Variants in TSEN2 observed in about 807,000 individuals in gnomAD.
The protein encoded by TSEN2 is tRNA-splicing endonuclease subunit Sen2.
Under a neutral mutation model 59.2 loss-of-function variants are expected in TSEN2, and 54 were observed. The observed-to-expected ratio is 0.91, with a 90% CI of 0.73 to 1.14. The LOEUF is 1.14. Among genes scored for constraint, TSEN2 ranks in the 50% most tolerant of loss-of-function variants. The pLI, the probability that TSEN2 is intolerant of heterozygous loss-of-function variation, is 0.00. For synonymous variants in TSEN2, 195 were observed against 198.2 expected, an observed-to-expected ratio of 0.98 and a Z score of 0.14; for missense variants, 636 against 576.2, an observed-to-expected ratio of 1.10 and a Z score of -1.06.
intron 9 of TSEN2, among the ~76,000 whole-genome samples, 193 bp downstream of exon 9, chr3:12,529,117 A>G (rs1299074709): frequency 1.3e-5 from 2 of 152,170 alleles, no homozygotes; most frequent in Non-Finnish European, 2.9e-5. Flanking sequence ...ATAGTTTATG[A>G]TAATATATGT....
chr3:12,519,221 G>C, intron 8 of TSEN2, 24 bp downstream of exon 8: 1 of 1,614,096 alleles, frequency 6.2e-7, no homozygotes, highest in East Asian at 2.2e-5. Context: ...GGCGTGGTGT[G>C]TGTGAGAATA....
intron 1 of TSEN2, among the ~76,000 whole-genome samples, chr3:12,485,275 C>T (rs944164953): frequency 2.0e-5 from 3 of 152,116 alleles, no homozygotes; most frequent in Admixed American, 6.5e-5. Context: ...ATGGAGCCAC[C>T]TCTCCCTTTT....
chr3:12,525,865 G>A (rs537774066), intron 8 of TSEN2, among the ~76,000 whole-genome samples: 12 of 152,066 alleles, frequency 7.9e-5, no homozygotes, highest in Non-Finnish European at 1.8e-4. Flanking sequence ...GCGCCCGGTG[G>A]TTTGTTCACA....
At chr3:12,482,606 C>A (rs555364630), upstream of TSEN2, among the ~76,000 whole-genome samples, 3 of 151,378 alleles carry the variant, frequency 2.0e-5, no homozygotes, top group South Asian at 6.3e-4. Flanking sequence ...AATTTGAGAT[C>A]CCATTATCAG....
intron 8 of TSEN2, among the ~76,000 whole-genome samples, chr3:12,525,991 A>G (rs950475968): frequency 1.3e-5 from 2 of 152,162 alleles, no homozygotes; most frequent in Non-Finnish European, 2.9e-5. Context: ...GACCACGGTC[A>G]TATCCATCAT....
chr3:12,536,124 TGGA>T (rs1298382576), downstream of TSEN2, among the ~76,000 whole-genome samples: 2 of 152,152 alleles, frequency 1.3e-5, no homozygotes, highest in Non-Finnish European at 2.9e-5. Context: ...GGTGAGTCAG[TGGA>T]GGAGAAGAAG....
At chr3:12,497,792 A>G (rs1377468887) in intron 4 of TSEN2, among the ~76,000 whole-genome samples, 1 of 152,196 alleles carries the variant, frequency 6.6e-6, no homozygotes, top group Non-Finnish European at 1.5e-5. Context: ...TTCATTTCCT[A>G]GGGCTGCCAT....
intron 4 of TSEN2, among the ~76,000 whole-genome samples, chr3:12,501,513 A>G (rs1274873174): frequency 6.6e-5 from 10 of 152,234 alleles, no homozygotes; most frequent in Non-Finnish European, 2.9e-5. Context: ...CTTAGGAATC[A>G]GGGTTAAGCA....
intron 1 of TSEN2, among the ~76,000 whole-genome samples, chr3:12,488,589 C>T (rs894150216): frequency 1.6e-4 from 24 of 152,202 alleles, no homozygotes; most frequent in Middle Eastern, 3.2e-3. Flanking sequence ...ACAGCCAGTT[C>T]CGTTAGCTCC....
At chr3:12,516,783 G>A (rs1269338485) in intron 7 of TSEN2, 122 bp downstream of exon 7, 1 of 1,079,636 alleles carries the variant, frequency 9.3e-7, no homozygotes, top group Non-Finnish European at 1.4e-6. Flanking sequence ...AATAGGAATT[G>A]AATTTTTCTC....
At chr3:12,528,991 A>C in intron 9 of TSEN2, 67 bp downstream of exon 9, 1 of 1,557,184 alleles carries the variant, frequency 6.4e-7, no homozygotes, top group Non-Finnish European at 8.9e-7. Context: ...CCTCTAATTT[A>C]ACTTTTTGGT....
intron 8 of TSEN2, among the ~76,000 whole-genome samples, chr3:12,522,845 TG>T (rs2056761147): frequency 6.6e-6 from 1 of 152,180 alleles, no homozygotes; most frequent in Admixed American, 6.5e-5. Flanking sequence ...ATTTGCCTAC[TG>T]GGGAAGCCAG....
chr3:12,503,118 G>A, intron 4 of TSEN2, 144 bp from the exon 5 acceptor site: 1 of 894,174 alleles, frequency 1.1e-6, no homozygotes, highest in East Asian at 2.6e-5. Flanking sequence ...GTATAAAGAA[G>A]AAAAATATTT....
chr3:12,510,909 G>A (rs1452437501), intron 6 of TSEN2, among the ~76,000 whole-genome samples: 1 of 152,078 alleles, frequency 6.6e-6, no homozygotes, highest in Non-Finnish European at 1.5e-5. Context: ...TTTGATTAAG[G>A]TTTGAAAAAC....
chr3:12,486,742 TG>T (rs2052657183), intron 1 of TSEN2, among the ~76,000 whole-genome samples: 2 of 152,230 alleles, frequency 1.3e-5, no homozygotes, highest in Admixed American at 1.3e-4. Flanking sequence ...TCCCTGTCTC[TG>T]GCAACTGGTA....
chr3:12,515,314 G>A (rs1213432896), intron 6 of TSEN2, among the ~76,000 whole-genome samples: 1 of 152,174 alleles, frequency 6.6e-6, no homozygotes, highest in Admixed American at 6.5e-5. Flanking sequence ...TCAGTGCGTT[G>A]TTGCTGCACA....
At chr3:12,510,035 T>G (rs1034732691) in intron 6 of TSEN2, among the ~76,000 whole-genome samples, 1 of 152,258 alleles carries the variant, frequency 6.6e-6, no homozygotes, top group Non-Finnish European at 1.5e-5. Context: ...TGTTTTTTAC[T>G]TGATACTGAA....
intron 3 of TSEN2, among the ~76,000 whole-genome samples, 200 bp downstream of exon 3, chr3:12,492,417 A>G (rs1445662495): frequency 1.3e-5 from 2 of 152,242 alleles, no homozygotes; most frequent in African/African-American, 4.8e-5. Flanking sequence ...TTCTAGAATT[A>G]TCAAGTGTTA....
intron 6 of TSEN2, chr3:12,505,449 A>G (rs746572092): frequency 1.9e-6 from 1 of 526,496 alleles, no homozygotes; most frequent in Non-Finnish European, 3.4e-6. Flanking sequence ...ATCATTCCAC[A>G]GAAGATTCGA....
Sources: gnomAD v4.1 joint callset for allele counts (sites outside exome capture counted in the v4.1 genomes callset) on GRCh38, gnomAD v4.1.1 for gene constraint, MANE v1.5 for transcripts, NCBI Gene and HGNC (gene_info 2026-07-23, HGNC 2026-07-21) for gene names.